The following SLCO3A1 variants were observed in gnomAD, a reference collection of about 807,000 sequenced individuals.
SLCO3A1 encodes the protein solute carrier organic anion transporter family member 3A1.
A neutral mutation model predicts 63.1 loss-of-function variants in SLCO3A1; 27 were observed. The ratio of observed to expected loss-of-function variants is 0.43; its 90% CI spans 0.32 to 0.59. SLCO3A1 has a LOEUF of 0.59. Among genes scored for constraint, SLCO3A1 ranks in the 20% least tolerant of loss-of-function variants. SLCO3A1 has a pLI of 0.09. For synonymous variants in SLCO3A1, 473 were observed against 409.9 expected (o/e 1.15, Z -1.86); for missense variants, 773 against 945.8 (o/e 0.82, Z 2.40).
intron 2 of SLCO3A1, among the ~76,000 whole-genome samples, chr15:91,947,621 T>C (rs548492575): frequency 6.6e-6 from 1 of 152,336 alleles, no homozygotes; most frequent in East Asian, 1.9e-4. Flanking sequence ...TCGGCCTTTG[T>C]CACTTGTTTA....
intron 2 of SLCO3A1, among the ~76,000 whole-genome samples, chr15:92,018,806 C>T (rs2046470669): frequency 1.3e-5 from 2 of 152,174 alleles, no homozygotes; most frequent in South Asian, 2.1e-4. Context: ...TTCAGTCGCC[C>T]TCCCAGTCTG....
At chr15:92,120,082 C>T (rs1301789044) in intron 4 of SLCO3A1, among the ~76,000 whole-genome samples, 2 of 152,070 alleles carry the variant, frequency 1.3e-5, no homozygotes, top group East Asian at 3.8e-4. Flanking sequence ...TATAAACACA[C>T]ACACACACAC....
chr15:91,905,468 G>T (rs1349529191), intron 1 of SLCO3A1, among the ~76,000 whole-genome samples: 1 of 152,052 alleles, frequency 6.6e-6, no homozygotes, highest in African/African-American at 2.4e-5. Flanking sequence ...AGTATAAATG[G>T]TTCTTATACT....
chr15:91,891,608 G>A (rs28568490), intron 1 of SLCO3A1, among the ~76,000 whole-genome samples: 7,096 of 152,200 alleles, frequency 0.047, 448 homozygotes, highest in African/African-American at 0.15. Context: ...TCAGCTTCAT[G>A]GGAAATTCAA....
intron 2 of SLCO3A1, among the ~76,000 whole-genome samples, chr15:92,092,230 C>A (rs146409623): frequency 2.0e-5 from 3 of 152,222 alleles, no homozygotes; most frequent in Non-Finnish European, 4.4e-5. Flanking sequence ...TTCTGTTTTT[C>A]CAAGGATGCT....
In SLCO3A1 at chr15:92,126,080, T is replaced by C. The variant is rs1190550406; in HGVS notation, c.1194T>C (p.Cys398=). 6.2e-7 allele frequency: 1 copy of C among 1,614,030 alleles called. No homozygotes were observed. The highest frequency in any genetic ancestry group is 8.5e-7 in the Non-Finnish European group (1 of 1,180,020). ...TTCCAGGGATGACTGCGATCCCGTG[T>C]GCTTGTCTGGGTATCTTCCTGGGAG... ...NQLLGMTAIP[C]ACLGIFLGGL... is the part of the protein sequence containing the mutation. Residue 398 remains cysteine (C), a synonymous_variant, in exon 6 of 10, where the codon TGT becomes TGC. Transcript: ENST00000318445.
At chr15:92,162,670 T>C in intron 9 of SLCO3A1, 86 bp from the exon 10 acceptor site, 1 of 1,520,080 alleles carries the variant, frequency 6.6e-7, no homozygotes, top group Non-Finnish European at 8.8e-7. Context: ...TGCCTAGCAG[T>C]GCTATAAGAA....
At position 91,916,155 on chromosome 15, in the gene SLCO3A1, G is replaced by C. The variant is rs753660470; in HGVS notation, c.343G>C (p.Val115Leu). The change falls in exon 2 of 10, where the codon GTC (valine) becomes CTC (leucine). Residue 115 changes from valine to leucine, a missense_variant. Coordinates refer to ENST00000318445, the MANE Select transcript of SLCO3A1 (RefSeq NM_013272.4). This position sits in a 1 kb window ranked among gnomAD's most constrained non-coding sequence, Gnocchi z 6.2. Reference protein sequence around the residue: ...RPRLIGCGGIVMALGALLSAL... With the variant: ...RPRLIGCGGILMALGALLSAL... ...GCGCCTGATCGGCTGCGGCGGCATC[G>C]TCATGGCGCTGGGCGCGCTGCTGTC... 2.5e-6 allele frequency: 4 copies of C among 1,607,038 alleles called. No individual in the cohort carries two copies. Among genetic ancestry groups the C allele is most frequent in the Non-Finnish European group, 2.5e-6 (3 of 1,178,514 alleles).
chr15:92,115,614 C>T (rs1424115073), intron 4 of SLCO3A1, among the ~76,000 whole-genome samples: 1 of 152,046 alleles, frequency 6.6e-6, no homozygotes, highest in Non-Finnish European at 1.5e-5. Context: ...GTGCTCCAGT[C>T]ACTTCCACAT....
chr15:92,120,686 G>C, intron 5 of SLCO3A1, 57 bp downstream of exon 5: 3 of 1,534,058 alleles, frequency 2.0e-6, no homozygotes, highest in African/African-American at 2.7e-5. Context: ...TGTGTGTAAG[G>C]CACTAAAAAT....
chr15:92,156,935 A>G lies in SLCO3A1; in HGVS notation c.1754-5821A>G, dbSNP rs540769918. On this transcript the variant is annotated intron_variant, in intron 9 of 9. Transcript: ENST00000318445. ...CCAAGGAATATAAATAGGCCCAGCC[A>G]TTTCAACTAAGAGAGTAAATTAAAT... Among the ~76,000 whole-genome samples the G allele has an allele frequency of 2.0e-5, 3 of 150,790 alleles. No individual in the cohort carries two copies. The South Asian group carries it at 6.4e-4, about 32-fold the overall frequency.
intron 2 of SLCO3A1, among the ~76,000 whole-genome samples, chr15:92,045,474 G>C (rs2046849928): frequency 6.6e-6 from 1 of 152,004 alleles, no homozygotes; most frequent in Admixed American, 6.6e-5. Flanking sequence ...TTACATGACT[G>C]ATATTATGCT....
chr15:92,107,589 C>T (rs1456484828), intron 4 of SLCO3A1, among the ~76,000 whole-genome samples: 1 of 152,204 alleles, frequency 6.6e-6, no homozygotes, highest in African/African-American at 2.4e-5. Flanking sequence ...ATACATAGAA[C>T]TGACATTGCT....
At chr15:91,898,759 G>A (rs775013477) in intron 1 of SLCO3A1, among the ~76,000 whole-genome samples, 3 of 151,998 alleles carry the variant, frequency 2.0e-5, no homozygotes, top group Non-Finnish European at 2.9e-5. Context: ...TATGTATAAA[G>A]CAAAATATAC....
intron 2 of SLCO3A1, among the ~76,000 whole-genome samples, chr15:92,031,453 A>G (rs775093176): frequency 6.6e-6 from 1 of 152,252 alleles, no homozygotes; most frequent in Non-Finnish European, 1.5e-5. Flanking sequence ...CTGAGTTTGC[A>G]GCTCAATTGC....
chr15:91,908,741 A>AT (rs1898388496), intron 1 of SLCO3A1: 1 of 150,514 alleles, frequency 6.6e-6, no homozygotes, highest in Non-Finnish European at 1.5e-5. Context: ...TATCTTGCAA[A>AT]TTACTTTAAT....
chr15:92,035,156 G>A (rs1195622308), intron 2 of SLCO3A1, among the ~76,000 whole-genome samples: 1 of 151,860 alleles, frequency 6.6e-6, no homozygotes, highest in Non-Finnish European at 1.5e-5. Context: ...TACCGGCCAT[G>A]TACAGGGTCA....
At chr15:92,130,885 CAAAAAAAAAAAAAA>C (rs993611856) in intron 7 of SLCO3A1, among the ~76,000 whole-genome samples, 1 of 21,802 alleles carries the variant, frequency 4.6e-5, no homozygotes, top group Non-Finnish European at 1.5e-4. Flanking sequence ...AAGTTCGGGG[CAAAAAAAAAAAAAA>C]AAAAAAAAAA....
At position 91,860,917 on chromosome 15, in the gene SLCO3A1, G is replaced by A. The variant is rs1897032703; in HGVS notation, c.180+6829G>A. ...ACAATGGACCTGTTCCTGCAACCTG[G>A]TTTCCCATCCCATGGATTCATCCAT... is the stretch of plus-strand genomic sequence containing the variant. On this transcript the variant is annotated intron_variant, in intron 1 of 9. Coordinates refer to ENST00000318445, the MANE Select transcript of SLCO3A1 (RefSeq NM_013272.4). The surrounding 1 kb of genome is among the most constrained non-coding windows in gnomAD (Gnocchi z 5.5). Among the ~76,000 whole-genome samples the A allele has an allele frequency of 6.6e-6, 1 of 152,094 alleles. No homozygotes were observed. Among genetic ancestry groups the A allele is most frequent in the South Asian group, 2.1e-4 (1 of 4,830 alleles).
Sources: allele counts gnomAD v4.1 joint callset (sites outside exome capture counted in the v4.1 genomes callset), GRCh38; gene constraint gnomAD v4.1.1; non-coding constraint Gnocchi (gnomAD v3.1); transcripts MANE v1.5; gene names NCBI Gene and HGNC (gene_info 2026-07-23, HGNC 2026-07-21).